The following GCM1 variants were observed in gnomAD, a reference collection of about 807,000 sequenced individuals.
GCM1 encodes the protein GCM transcription factor 1, also known as chorion-specific transcription factor GCMa.
Under a neutral mutation model 25.7 loss-of-function variants are expected in GCM1, and 2 were observed. The ratio of observed to expected loss-of-function variants is 0.08; its 90% CI spans 0.03 to 0.24. GCM1 has a LOEUF of 0.24. Among genes scored for constraint, GCM1 ranks in the 10% least tolerant of loss-of-function variants. The pLI, the probability that GCM1 is intolerant of heterozygous loss-of-function variation, is 1.00. For missense variants in GCM1, 395 were observed against 538.7 expected, an observed-to-expected ratio of 0.73 and a Z score of 2.64; for synonymous variants, 183 against 195.7, an observed-to-expected ratio of 0.94 and a Z score of 0.54.
intron 2 of GCM1, among the ~76,000 whole-genome samples, chr6:53,144,200 T>C (rs1236663514): frequency 6.6e-6 from 1 of 151,980 alleles, no homozygotes; most frequent in Non-Finnish European, 1.5e-5. Context: ...GACGGAAGGG[T>C]TGTTCGTGGC....
intron 5 of GCM1, 37 bp downstream of exon 5, chr6:53,130,766 C>G (rs776981573): frequency 8.8e-6 from 14 of 1,587,114 alleles, no homozygotes; most frequent in Admixed American, 1.7e-5. Flanking sequence ...GCGTGGCAAG[C>G]TACTGCATGT....
intron 2 of GCM1, among the ~76,000 whole-genome samples, chr6:53,141,695 A>G (rs1410535425): frequency 6.6e-6 from 1 of 151,246 alleles, no homozygotes; most frequent in African/African-American, 2.4e-5. Flanking sequence ...TGAAAAAGAA[A>G]GAAAGAAAGA....
chr6:53,141,229 G>A (rs1381129598), intron 2 of GCM1, among the ~76,000 whole-genome samples: 1 of 152,184 alleles, frequency 6.6e-6, no homozygotes, highest in Non-Finnish European at 1.5e-5. Context: ...GCCTACTACA[G>A]TGTCTCCTGC....
intron 2 of GCM1, among the ~76,000 whole-genome samples, chr6:53,134,539 C>T (rs892499957): frequency 6.6e-6 from 1 of 152,204 alleles, no homozygotes; most frequent in Non-Finnish European, 1.5e-5. Context: ...CATTCAGCCG[C>T]TGGACCAAAA....
Position 53,132,104 on chromosome 6 carries a change from T to C in GCM1, c.344A>G (p.Asn115Ser). The C allele has an allele frequency of 4.3e-6, 7 of 1,610,148 alleles. No individual in the cohort carries two copies. Among genetic ancestry groups the C allele is most frequent in the Non-Finnish European group, 6.0e-6 (7 of 1,176,392 alleles). Reference sequence around the variant, plus strand: ...GATGAGCTTCAGAGGCCCGTCACAGTTGGGACAGCGTTTCCCTACAAAAGA... The same window carrying C: ...GATGAGCTTCAGAGGCCCGTCACAGCTGGGACAGCGTTTCCCTACAAAAGA... The part of the protein sequence containing the change: ...RQKQQRKRCP[N>S]CDGPLKLIPC... The change falls in exon 4 of 6, where the codon AAC becomes AGC. Residue 115 changes from asparagine to serine, a missense_variant. Asn to Ser is a conservative substitution (Grantham distance 46, BLOSUM62 1). This residue lies in a region of GCM1 where 32 missense variants were observed against 97.7 expected (regional missense o/e 0.33). Coordinates refer to ENST00000259803, the MANE Select transcript of GCM1 (RefSeq NM_003643.4).
Position 53,145,654 on chromosome 6 carries a change from G to GT in GCM1, c.-23dup. On this transcript the variant is annotated 5_prime_UTR_variant, in exon 2 of 6. Transcript: ENST00000259803. Reference sequence around the variant, plus strand: ...CCATGATAAGGTCAGGCCAGCCAAGGTTTTCACCTATTCGACTCCCCTCAG... The same window carrying GT: ...CCATGATAAGGTCAGGCCAGCCAAGGTTTTTCACCTATTCGACTCCCCTCAG... The GT allele has an allele frequency of 3.5e-6, 5 of 1,421,686 alleles. No homozygotes were observed. Among genetic ancestry groups the GT allele is most frequent in the South Asian group, 1.2e-5 (1 of 86,492 alleles). The allele number at this position is 1,421,686 out of a possible 1,614,324, so 88.1% of individuals were successfully genotyped here.
chr6:53,142,985 A>G (rs2127510621), intron 2 of GCM1, among the ~76,000 whole-genome samples: 1 of 151,082 alleles, frequency 6.6e-6, no homozygotes, highest in East Asian at 1.9e-4. Context: ...GTCTCTGGAT[A>G]TGCTCACACA....
At chr6:53,144,207 T>C (rs1763920261) in intron 2 of GCM1, among the ~76,000 whole-genome samples, 1 of 152,154 alleles carries the variant, frequency 6.6e-6, no homozygotes, top group South Asian at 2.1e-4. Context: ...GGGTTGTTCG[T>C]GGCCAGTAGT....
At chr6:53,139,517 G>C (rs868625461) in intron 2 of GCM1, among the ~76,000 whole-genome samples, 2 of 142,198 alleles carry the variant, frequency 1.4e-5, no homozygotes, top group African/African-American at 5.2e-5. Flanking sequence ...AAAAAAAAAA[G>C]GGGGAATTAC....
At chr6:53,145,817 A>G (rs1392473411) in intron 1 of GCM1, 49 bp from the exon 2 acceptor site, 1 of 504,554 alleles carries the variant, frequency 2.0e-6, no homozygotes, top group Non-Finnish European at 3.4e-6. Context: ...GATTTAAAAA[A>G]AAACCCCAAT....
intron 3 of GCM1, 134 bp downstream of exon 3, chr6:53,133,938 A>T: frequency 1.2e-6 from 1 of 860,222 alleles, no homozygotes; most frequent in East Asian, 2.7e-5. Flanking sequence ...GCTCCATGTC[A>T]GAACAGCCTT....
chr6:53,130,669 C>A (rs893837383), intron 5 of GCM1, 134 bp downstream of exon 5: 4 of 642,908 alleles, frequency 6.2e-6, no homozygotes, highest in South Asian at 4.6e-5. Flanking sequence ...TTAGCAGATG[C>A]TTGTTTGTAG....
At chr6:53,135,009 C>T (rs141957671) in intron 2 of GCM1, among the ~76,000 whole-genome samples, 24 of 152,330 alleles carry the variant, frequency 1.6e-4, no homozygotes, top group East Asian at 1.3e-3. Flanking sequence ...TTTAACCCTA[C>T]GTTCACGTGC....
chr6:53,136,036 C>T (rs892026838), intron 2 of GCM1, among the ~76,000 whole-genome samples: 3 of 152,158 alleles, frequency 2.0e-5, no homozygotes, highest in Non-Finnish European at 2.9e-5. Flanking sequence ...TTCCATATAA[C>T]GATACTTGTT....
intron 2 of GCM1, among the ~76,000 whole-genome samples, chr6:53,140,090 G>A (rs1763853083): frequency 6.6e-6 from 1 of 151,998 alleles, no homozygotes; most frequent in East Asian, 1.9e-4. Context: ...AAGAATTCTG[G>A]TCCAAATAGC....
intron 4 of GCM1, 66 bp downstream of exon 4, chr6:53,131,941 C>T: frequency 1.1e-6 from 1 of 886,710 alleles, no homozygotes; most frequent in Non-Finnish European, 1.9e-6. Flanking sequence ...TTCACAGGTG[C>T]ATTTCTAGCC....
At chr6:53,137,821 A>G (rs1483098285) in intron 2 of GCM1, among the ~76,000 whole-genome samples, 1 of 152,238 alleles carries the variant, frequency 6.6e-6, no homozygotes, top group Admixed American at 6.5e-5. Flanking sequence ...GGTCAGAGCC[A>G]TAGATCCCAT....
intron 3 of GCM1, among the ~76,000 whole-genome samples, chr6:53,133,217 T>C (rs2127508526): frequency 6.6e-6 from 1 of 152,330 alleles, no homozygotes; most frequent in Non-Finnish European, 1.5e-5. Context: ...CAGGCTGGAG[T>C]GCAGTGGCAC....
rs1386104590 is a variant in GCM1, at chr6:53,128,390, A to C, written c.1127T>G (p.Val376Gly). 2 of 1,613,798 alleles carry C rather than the reference A, an allele frequency of 1.2e-6. No homozygotes were observed. The change falls in exon 6 of 6, where the codon GTC becomes GGC. Residue 376 changes from valine to glycine, a missense_variant. This residue lies in a region of GCM1 where 291 missense variants were observed against 314.6 expected (regional missense o/e 0.92). Transcript: ENST00000259803. The part of the protein sequence containing the change: ...EKVHVDFNSY[V>G]QSPAYHSPQE... The stretch of plus-strand genomic sequence containing the variant: ...AGGTGAATGGTATGCAGGAGACTGG[A>C]CGTAGCTGTTAAAATCCACATGTAC...
Sources: allele counts gnomAD v4.1 joint callset (sites outside exome capture counted in the v4.1 genomes callset), GRCh38; gene constraint gnomAD v4.1.1; regional missense constraint gnomAD v4.1.1; transcripts MANE v1.5; gene names NCBI Gene and HGNC (gene_info 2026-07-23, HGNC 2026-07-21).